The following GABBR2 variants were observed in gnomAD, a reference collection of about 807,000 sequenced individuals.
GABBR2 encodes the protein gamma-aminobutyric acid type B receptor subunit 2, also known as G-protein coupled receptor 51.
In GABBR2, 23 loss-of-function variants were observed where a neutral mutation model predicts 105.6. That is an observed-to-expected ratio of 0.22 (90% CI 0.16 to 0.31). GABBR2 has a LOEUF of 0.31. Ranked by LOEUF, GABBR2 falls within the 10% of genes least tolerant of loss-of-function variation. The pLI is 1.00. For synonymous variants in GABBR2, 478 were observed against 499.7 expected (o/e 0.96, Z 0.58); for missense variants, 734 against 1,245.5 (o/e 0.59, Z 6.18).
chr9:98,656,428 T>C (rs1830184550), intron 1 of GABBR2, among the ~76,000 whole-genome samples: 1 of 80,920 alleles, frequency 1.2e-5, no homozygotes, highest in South Asian at 4.6e-4. Context: ...GCTGTCTTAT[T>C]ATAAAAAGGA....
rs1830235684 is a variant in GABBR2, at chr9:98,288,530, T to C, written c.*2054A>G. On this transcript the variant is annotated 3_prime_UTR_variant, in exon 19 of 19. Transcript: ENST00000259455. Reference sequence around the variant, plus strand: ...TCCTGCTATGCTGGAATAATATTTCTACAGGTATTTTTTTTTGTGTGTGTG... The same window carrying C: ...TCCTGCTATGCTGGAATAATATTTCCACAGGTATTTTTTTTTGTGTGTGTG... 2 of 151,120 alleles carry C rather than the reference T, an allele frequency of 1.3e-5. No homozygotes were observed. Among genetic ancestry groups the C allele is most frequent in the Admixed American group, 1.3e-4 (2 of 15,162 alleles). 9.4% of individuals were successfully genotyped at this position (151,120 alleles called of 1,614,324 possible).
At chr9:98,587,548 A>G (rs2131791555) in intron 1 of GABBR2, among the ~76,000 whole-genome samples, 1 of 152,358 alleles carries the variant, frequency 6.6e-6, no homozygotes, top group South Asian at 2.1e-4. Flanking sequence ...TGTGGTAAAA[A>G]AGGAGTGATA....
In GABBR2 at chr9:98,708,874, T is replaced by A. The variant is rs867630817; in HGVS notation, c.-137A>T. The A allele has an allele frequency of 4.8e-6, 2 of 412,704 alleles. No homozygotes were observed. The highest frequency in any genetic ancestry group is 9.3e-5 in the South Asian group (1 of 10,754). The allele number at this position is 412,704 out of a possible 1,614,324, so 25.6% of individuals were successfully genotyped here. ...CCCCGGCTCCGTCTCGGGCTAGGGTTCCGGCTCGGCTCAGAACGGCCGCGG... is the reference window on the plus strand; with the variant it reads ...CCCCGGCTCCGTCTCGGGCTAGGGTACCGGCTCGGCTCAGAACGGCCGCGG... On this transcript the variant is annotated 5_prime_UTR_variant, in exon 1 of 19. Coordinates refer to ENST00000259455, the MANE Select transcript of GABBR2 (RefSeq NM_005458.8).
At chr9:98,308,894 G>C (rs774220607) in intron 14 of GABBR2, among the ~76,000 whole-genome samples, 3 of 152,240 alleles carry the variant, frequency 2.0e-5, no homozygotes, top group Non-Finnish European at 2.9e-5. Flanking sequence ...AATGGCACAG[G>C]CTCCTTTGAA....
chr9:98,315,540 G>T (rs3780441), intron 13 of GABBR2, among the ~76,000 whole-genome samples: 2 of 152,178 alleles, frequency 1.3e-5, no homozygotes, highest in Admixed American at 1.3e-4. Context: ...ACAAGCTGTA[G>T]GTGTTGTCTA....
intron 1 of GABBR2, among the ~76,000 whole-genome samples, chr9:98,627,067 G>A (rs1417016759): frequency 1.3e-5 from 2 of 152,114 alleles, no homozygotes; most frequent in African/African-American, 2.4e-5. Flanking sequence ...TCTGAGATTT[G>A]CTTCCTAAAC....
At chr9:98,372,456 T>C (rs77142958) in intron 11 of GABBR2, among the ~76,000 whole-genome samples, 1,673 of 152,336 alleles carry the variant, frequency 0.011, 33 homozygotes, top group African/African-American at 0.038. Context: ...AGCTCTGAGC[T>C]TGGGTCTTTG....
At chr9:98,658,084 A>G (rs1830206243) in intron 1 of GABBR2, among the ~76,000 whole-genome samples, 1 of 152,250 alleles carries the variant, frequency 6.6e-6, no homozygotes, top group African/African-American at 2.4e-5. Flanking sequence ...TACTTTACAT[A>G]TATTCCTTTT....
intron 3 of GABBR2, among the ~76,000 whole-genome samples, chr9:98,524,414 A>G (rs1181059426): frequency 2.0e-5 from 3 of 152,232 alleles, no homozygotes; most frequent in Non-Finnish European, 4.4e-5. Context: ...AAAGAAAAAC[A>G]AACAGCACAA....
intron 17 of GABBR2, among the ~76,000 whole-genome samples, chr9:98,294,697 C>T (rs563821119): frequency 1.2e-4 from 19 of 152,210 alleles, no homozygotes; most frequent in African/African-American, 3.9e-4. Flanking sequence ...AGGGTGGTCT[C>T]GAACTCCTGA....
chr9:98,391,154 A>G (rs1339142238), intron 9 of GABBR2, among the ~76,000 whole-genome samples: 2 of 152,326 alleles, frequency 1.3e-5, no homozygotes, highest in East Asian at 3.9e-4. Context: ...CCAATGATAC[A>G]AAGATGAAAA....
At chr9:98,383,439 T>C (rs1588132720) in intron 11 of GABBR2, among the ~76,000 whole-genome samples, 1 of 152,232 alleles carries the variant, frequency 6.6e-6, no homozygotes, top group South Asian at 2.1e-4. Flanking sequence ...TCTTTTGATC[T>C]TTTGGTGGGA....
In GABBR2 at chr9:98,288,180, T is replaced by G. The variant is rs1394208987; in HGVS notation, c.*2404A>C. On this transcript the variant is annotated 3_prime_UTR_variant, in exon 19 of 19. Coordinates refer to ENST00000259455, the MANE Select transcript of GABBR2 (RefSeq NM_005458.8). ...CAGTAGGGGTACGAGAAATTCCTCA[T>G]TTACATTTGATTCTGGCAGTTCCAG... 1.3e-5 allele frequency: 2 copies of G among 152,658 alleles called. No individual in the cohort carries two copies. Among genetic ancestry groups the G allele is most frequent in the African/African-American group, 4.8e-5 (2 of 41,464 alleles). The allele number at this position is 152,658 out of a possible 1,614,324, so 9.5% of individuals were successfully genotyped here. A position where few individuals can be genotyped will look rare whatever the true frequency, so the allele number is the denominator to read the frequency against.
At chr9:98,389,866 T>C (rs1276110238) in intron 9 of GABBR2, among the ~76,000 whole-genome samples, 1 of 152,086 alleles carries the variant, frequency 6.6e-6, no homozygotes, top group Non-Finnish European at 1.5e-5. Flanking sequence ...ATTGTGAAAC[T>C]TCAGGGCTTT....
In GABBR2 at chr9:98,679,016, G is replaced by A. The variant is rs150013465; in HGVS notation, c.321+29401C>T. On this transcript the variant is annotated intron_variant, in intron 1 of 18. Transcript: ENST00000259455. ...GCCCTCATTTCTGATTTTGAACAAAGCCCTCTTAGCAAATGGGAAAGAGGA... is the reference window on the plus strand; with the variant it reads ...GCCCTCATTTCTGATTTTGAACAAAACCCTCTTAGCAAATGGGAAAGAGGA... 3.2e-3 allele frequency among the ~76,000 whole-genome samples: 482 copies of A among 152,228 alleles called. 10 individuals are homozygous for A. The East Asian group carries it at 0.039, about 12-fold the overall frequency.
intron 13 of GABBR2, among the ~76,000 whole-genome samples, chr9:98,329,030 T>C (rs1327706493): frequency 2.0e-5 from 3 of 152,192 alleles, no homozygotes; most frequent in Non-Finnish European, 4.4e-5. Flanking sequence ...GATTGAGGAT[T>C]AAATGGCCCA....
Position 98,309,342 on chromosome 9 carries a change from A to C in GABBR2, c.2004+1753T>G, listed in dbSNP as rs116637155. On this transcript the variant is annotated intron_variant, in intron 14 of 18. Transcript: ENST00000259455. ...AAAGATGTCAATATGATTCATCGTA[A>C]TCTATTTTCACGGAATGAGTCTCAG... 6.6e-3 allele frequency among the ~76,000 whole-genome samples: 998 copies of C among 152,326 alleles called. 10 individuals are homozygous for C. Among genetic ancestry groups the C allele is most frequent in the African/African-American group, 0.02 (816 of 41,562 alleles).
chr9:98,375,660 G>C (rs1428482186), intron 11 of GABBR2, among the ~76,000 whole-genome samples: 2 of 152,148 alleles, frequency 1.3e-5, no homozygotes, highest in Non-Finnish European at 2.9e-5. Context: ...CTGAGTTCAT[G>C]GCCTCAGCTG....
chr9:98,488,425 G>A (rs1827104989), intron 4 of GABBR2, among the ~76,000 whole-genome samples: 1 of 152,042 alleles, frequency 6.6e-6, no homozygotes, highest in Non-Finnish European at 1.5e-5. Context: ...TGGAGAATTG[G>A]GCTATTTTTG....
Sources: gnomAD v4.1 joint callset for allele counts (sites outside exome capture counted in the v4.1 genomes callset) on GRCh38, gnomAD v4.1.1 for gene constraint, MANE v1.5 for transcripts, NCBI Gene and HGNC (gene_info 2026-07-23, HGNC 2026-07-21) for gene names.